The following MTOR variants were observed in gnomAD, a reference collection of about 807,000 sequenced individuals.
MTOR encodes mechanistic target of rapamycin kinase.
A neutral mutation model predicts 319.8 loss-of-function variants in MTOR; 70 were observed. That is an observed-to-expected ratio of 0.22 (90% CI 0.18 to 0.27). MTOR has a LOEUF of 0.27. Ranked by LOEUF, MTOR falls within the 10% of genes least tolerant of loss-of-function variation. The probability of loss-of-function intolerance (pLI) is 1.00; values close to 1 mark genes in which losing one functional copy is unlikely to be tolerated. For synonymous variants in MTOR, 1,183 were observed against 1,211.4 expected (o/e 0.98, Z 0.49); for missense variants, 1,890 against 3,274.4 (o/e 0.58, Z 10.32).
At chr1:11,205,957 T>C (rs757409027) in intron 25 of MTOR, among the ~76,000 whole-genome samples, 4 of 152,214 alleles carry the variant, frequency 2.6e-5, no homozygotes, top group Non-Finnish European at 5.9e-5. Context: ...TGGGATACAC[T>C]GGAGATGTGC....
rs114728202 is a variant in MTOR, at chr1:11,220,459, G to A, written c.3031-4225C>T. Among the ~76,000 whole-genome samples the A allele has an allele frequency of 5.6e-3, 860 of 152,270 alleles. 10 individuals carry two copies. The highest frequency in any genetic ancestry group is 0.02 in the African/African-American group (833 of 41,554). Reference sequence around the variant, plus strand: ...ATAAAGACTTATTCAGATAAGAGCAGTTTATTTCAATGAATGCTCCTAAGA... The same window carrying A: ...ATAAAGACTTATTCAGATAAGAGCAATTTATTTCAATGAATGCTCCTAAGA... On this transcript the variant is annotated intron_variant, in intron 19 of 57. Coordinates refer to ENST00000361445, the MANE Select transcript of MTOR (RefSeq NM_004958.4).
intron 30 of MTOR, among the ~76,000 whole-genome samples, chr1:11,151,136 G>C (rs1292273101): frequency 6.6e-6 from 1 of 152,158 alleles, no homozygotes; most frequent in Non-Finnish European, 1.5e-5. Context: ...GGTGGTGTAG[G>C]AGGGCGGGGA....
rs369958410 is a variant in MTOR, at chr1:11,150,089, C to T, written c.4570+37G>A. On this transcript the variant is annotated intron_variant, in intron 31 of 57. Transcript: ENST00000361445. ...GATGCGAGCCCCTAGCCTCACTCAC[C>T]CCATCCTTCACAGGGTGCCTGTGAG... is the stretch of plus-strand genomic sequence containing the variant. The T allele has an allele frequency of 1.9e-6, 3 of 1,579,846 alleles. No individual in the cohort carries two copies. The East Asian group carries it at 6.7e-5, about 35-fold the overall frequency.
intron 28 of MTOR, chr1:11,195,240 C>T (rs372995398): frequency 6.3e-5 from 34 of 542,188 alleles, no homozygotes; most frequent in East Asian, 2.8e-4. Context: ...TGGGTCCTGC[C>T]ACATCCTTCT....
chr1:11,140,190 C>T (rs1223841560), intron 34 of MTOR, among the ~76,000 whole-genome samples: 3 of 151,900 alleles, frequency 2.0e-5, no homozygotes, highest in African/African-American at 7.3e-5. Context: ...CAGAGATTTG[C>T]TGATAGAATC....
chr1:11,124,747 C>T lies in MTOR; in HGVS notation c.6527-114G>A, dbSNP rs570976599. ...ACTACATATGCCTTACCTAATCACA[C>T]GTTCCTCACAAAAAGAAAAAACAAT... On this transcript the variant is annotated intron_variant, in intron 46 of 57. Transcript: ENST00000361445. 9.3e-6 allele frequency: 11 copies of T among 1,177,892 alleles called. No individual in the cohort carries two copies. In the African/African-American group the frequency reaches 1.2e-4, roughly 13 times the overall value. The allele number at this position is 1,177,892 out of a possible 1,614,324, so 73.0% of individuals were successfully genotyped here.
At chr1:11,249,426 T>TA (rs1203088355) in intron 6 of MTOR, among the ~76,000 whole-genome samples, 1 of 151,920 alleles carries the variant, frequency 6.6e-6, no homozygotes, top group African/African-American at 2.4e-5. Flanking sequence ...TTTATTTATT[T>TA]ATTTATTTTT....
rs573946790 is a variant in MTOR, at chr1:11,212,354, G to A, written c.3519C>T (p.Ala1173=). The A allele has an allele frequency of 6.2e-7, 1 of 1,614,172 alleles. No individual in the cohort carries two copies. The highest frequency in any genetic ancestry group is 1.1e-5 in the South Asian group (1 of 91,064). The change falls in exon 23 of 58, where the codon GCC becomes GCT. Residue 1173 remains alanine (A), a synonymous_variant. Transcript: ENST00000361445. The surrounding 1 kb of genome is among the most constrained non-coding windows in gnomAD (Gnocchi z 4.1). ...LDQSPELRST[A]MDTLSSLVFQ... Reference sequence around the variant, plus strand: ...AAACAAGTGAAGACAGCGTGTCCATGGCTGTGGAGCGCAGTTCTGGGCTCT... The same window carrying A: ...AAACAAGTGAAGACAGCGTGTCCATAGCTGTGGAGCGCAGTTCTGGGCTCT...
chr1:11,120,177 A>C (rs952467192), intron 49 of MTOR, among the ~76,000 whole-genome samples: 16 of 152,066 alleles, frequency 1.1e-4, no homozygotes, highest in Admixed American at 5.2e-4. Context: ...CCTGGATTCA[A>C]ATGATCCTTC....
At chr1:11,114,556 T>A in intron 52 of MTOR, 103 bp from the exon 53 acceptor site, 1 of 1,492,322 alleles carries the variant, frequency 6.7e-7, no homozygotes, top group Non-Finnish European at 9.2e-7. Flanking sequence ...ACACAGGCCA[T>A]GTTGACGTAT....
At position 11,199,893 on chromosome 1, in the gene MTOR, T is replaced by A. The variant is rs112400979; in HGVS notation, c.3945-190A>T. On this transcript the variant is annotated intron_variant, in intron 26 of 57. Transcript: ENST00000361445. The surrounding 1 kb of genome is among the most constrained non-coding windows in gnomAD (Gnocchi z 4.5). Reference sequence around the variant, plus strand: ...CCAGTGATCACTAAAGCACTTGAACTGTGGCAAGTGTGGCCAAGGAACTGA... The same window carrying A: ...CCAGTGATCACTAAAGCACTTGAACAGTGGCAAGTGTGGCCAAGGAACTGA... Among the ~76,000 whole-genome samples the A allele has an allele frequency of 1.3e-5, 2 of 152,220 alleles. No individual in the cohort carries two copies. Among genetic ancestry groups the A allele is most frequent in the African/African-American group, 4.8e-5 (2 of 41,444 alleles).
intron 9 of MTOR, 122 bp from the exon 10 acceptor site, chr1:11,241,803 A>C (rs1648074298): frequency 2.7e-6 from 3 of 1,096,494 alleles, no homozygotes; most frequent in Non-Finnish European, 4.0e-6. Flanking sequence ...ATGGGTATGC[A>C]AATTGTCCAG....
At chr1:11,145,248 T>C (rs936704501) in intron 32 of MTOR, 1 of 583,334 alleles carries the variant, frequency 1.7e-6, no homozygotes, top group African/African-American at 1.9e-5. Flanking sequence ...GACAGAAATG[T>C]ATGGCATCCA....
intron 45 of MTOR, 105 bp from the exon 46 acceptor site, chr1:11,126,901 A>G (rs2100399026): frequency 6.3e-7 from 1 of 1,575,782 alleles, no homozygotes; most frequent in East Asian, 2.2e-5. Flanking sequence ...CTTGTCCCAA[A>G]GCAGAAGTAA....
At chr1:11,248,932 T>A (rs893760721) in intron 6 of MTOR, among the ~76,000 whole-genome samples, 1 of 151,836 alleles carries the variant, frequency 6.6e-6, no homozygotes, top group African/African-American at 2.4e-5. Context: ...GGCTGCTTAA[T>A]CACTCATCCT....
chr1:11,186,507 C>G (rs1443654997), intron 28 of MTOR, among the ~76,000 whole-genome samples: 1 of 152,212 alleles, frequency 6.6e-6, no homozygotes, highest in Non-Finnish European at 1.5e-5. Context: ...GAGCACCAAG[C>G]TAGCCCTCTT....
chr1:11,120,870 C>T (rs1370115622), intron 49 of MTOR, among the ~76,000 whole-genome samples: 2 of 152,042 alleles, frequency 1.3e-5, no homozygotes, highest in Non-Finnish European at 2.9e-5. Flanking sequence ...TCCACAGATG[C>T]AGAAGCTACG....
At chr1:11,139,045 C>T in intron 36 of MTOR, 3 of 426,928 alleles carry the variant, frequency 7.0e-6, no homozygotes, top group Non-Finnish European at 1.2e-5. Context: ...CTTTCTATGT[C>T]CCAGCACTTT....
chr1:11,255,161 G>T (rs1333201634), intron 5 of MTOR, among the ~76,000 whole-genome samples: 1 of 151,868 alleles, frequency 6.6e-6, no homozygotes, highest in Non-Finnish European at 1.5e-5. Context: ...AAGGCAGGTG[G>T]ATCATGAGGT....
Sources: allele counts gnomAD v4.1 joint callset (sites outside exome capture counted in the v4.1 genomes callset), GRCh38; gene constraint gnomAD v4.1.1; non-coding constraint Gnocchi (gnomAD v3.1); transcripts MANE v1.5; gene names NCBI Gene and HGNC (gene_info 2026-07-23, HGNC 2026-07-21).